EHD1: variants seen among roughly 807,000 people sequenced by gnomAD.
EHD1 encodes EH domain containing 1, also known as EH domain-containing protein 1.
Under a neutral mutation model 39.0 loss-of-function variants are expected in EHD1, and 19 were observed. That is an observed-to-expected ratio of 0.49 (90% CI 0.34 to 0.72). The LOEUF is 0.72. Among genes scored for constraint, EHD1 ranks in the 30% least tolerant of loss-of-function variants. The pLI is 0.01. For missense variants in EHD1, 542 were observed against 751.5 expected, an observed-to-expected ratio of 0.72 and a Z score of 3.26; for synonymous variants, 323 against 331.2, an observed-to-expected ratio of 0.98 and a Z score of 0.27.
In EHD1 at chr11:64,878,258, C is replaced by T; in HGVS notation, c.207G>A (p.Thr69=). Residue 69 remains threonine, a synonymous_variant, in exon 1 of 5, where the codon ACG becomes ACA. Coordinates refer to ENST00000320631, the MANE Select transcript of EHD1 (RefSeq NM_006795.4). ...GGTGTCGGATGAAGGTGGTCTTGCC[C>T]GTGCTGTACTGCCCCACGAGGAGCA... is the stretch of plus-strand genomic sequence containing the variant. ...PMVLLVGQYS[T]GKTTFIRHLI... 6.2e-7 allele frequency: 1 copy of T among 1,614,148 alleles called. No individual in the cohort carries two copies. The highest frequency in any genetic ancestry group is 8.5e-7 in the Non-Finnish European group (1 of 1,180,016).
At position 64,854,280 on chromosome 11, in the gene EHD1, C is replaced by T. The variant is rs934794441; in HGVS notation, c.*53G>A. ...GAAATGGTGAGGCTTCCCCTCCCCC[C>T]GTCTCTGCCTCCCGGCCGGGCGTGC... On this transcript the variant is annotated 3_prime_UTR_variant, in exon 5 of 5. Coordinates refer to ENST00000320631, the MANE Select transcript of EHD1 (RefSeq NM_006795.4). 28 of 1,536,548 alleles carry T rather than the reference C, an allele frequency of 1.8e-5. No individual in the cohort carries two copies. Among genetic ancestry groups the T allele is most frequent in the Middle Eastern group, 1.7e-4 (1 of 5,746 alleles).
upstream of EHD1, chr11:64,879,109 C>T (rs184818699): frequency 2.2e-3 from 2,238 of 1,001,352 alleles, 2 homozygotes; most frequent in Non-Finnish European, 2.6e-3. Context: ...CTCCTCCTCT[C>T]AGCCCAGCTT....
intron 1 of EHD1, chr11:64,875,736 C>G (rs960159612): frequency 6.6e-6 from 1 of 152,256 alleles, no homozygotes; most frequent in African/African-American, 2.4e-5. Context: ...GGGCAGCTGG[C>G]CAGGGCAAGG....
At chr11:64,858,530 G>A (rs77858389) in intron 3 of EHD1, among the ~76,000 whole-genome samples, 1 of 152,324 alleles carries the variant, frequency 6.6e-6, no homozygotes, top group East Asian at 1.9e-4. Context: ...CTAAGAGCCT[G>A]AAAGAATAGC....
chr11:64,867,389 G>A (rs771233511), intron 2 of EHD1, among the ~76,000 whole-genome samples: 17 of 150,914 alleles, frequency 1.1e-4, no homozygotes, highest in Non-Finnish European at 2.4e-4. Flanking sequence ...ACTGCATTTC[G>A]GCCTGGGCAA....
Position 64,854,189 on chromosome 11 carries a change from A to G in EHD1, c.*144T>C. 1 of 1,375,234 alleles carries G rather than the reference A, an allele frequency of 7.3e-7. No individual in the cohort carries two copies. Among genetic ancestry groups the G allele is most frequent in the East Asian group, 2.5e-5 (1 of 39,710 alleles). The allele number at this position is 1,375,234 out of a possible 1,614,324, so 85.2% of individuals were successfully genotyped here. On this transcript the variant is annotated 3_prime_UTR_variant, in exon 5 of 5. Coordinates refer to ENST00000320631, the MANE Select transcript of EHD1 (RefSeq NM_006795.4). ...CCGCCAGGCCCAGGAACAGCCTTAA[A>G]AGAAAGATGGTGGTTTTCCTTTTCG...
At chr11:64,874,642 G>A in intron 1 of EHD1, 124 bp from the exon 2 acceptor site, 1 of 747,408 alleles carries the variant, frequency 1.3e-6, no homozygotes, top group Non-Finnish European at 2.0e-6. Flanking sequence ...GCGGGGAACT[G>A]ACAGGTGGTT....
chr11:64,878,911 A>T (rs936614327), upstream of EHD1: 1 of 1,029,072 alleles, frequency 9.7e-7, no homozygotes, highest in Admixed American at 5.4e-5. Context: ...CGTTCGGCGG[A>T]GACGGCCTCT....
rs548396085 is a variant in EHD1 at position 64,852,194 on chromosome 11, A to G, written c.*2139T>C. ...CAGTCACCCTTCCCTCTGCTGGTATAAACAGTCCCCCATCTGTGACATCAC... is the reference window on the plus strand; with the variant it reads ...CAGTCACCCTTCCCTCTGCTGGTATGAACAGTCCCCCATCTGTGACATCAC... On this transcript the variant is annotated 3_prime_UTR_variant, in exon 5 of 5. Transcript: ENST00000320631. 5.3e-5 allele frequency: 8 copies of G among 152,244 alleles called. No individual in the cohort carries two copies. The highest frequency in any genetic ancestry group is 1.3e-4 in the Admixed American group (2 of 15,280). The allele number at this position is 152,244 out of a possible 1,614,324, so 9.4% of individuals were successfully genotyped here.
intron 3 of EHD1, among the ~76,000 whole-genome samples, chr11:64,858,789 C>T (rs891768340): frequency 5.9e-5 from 9 of 152,246 alleles, no homozygotes; most frequent in East Asian, 3.8e-4. Flanking sequence ...CCACCCACAC[C>T]GGCTCTCACT....
rs781223385 is a variant in EHD1 at position 64,878,343 on chromosome 11, C to T, written c.122G>A (p.Arg41His). 54 of 1,613,968 alleles carry T rather than the reference C, an allele frequency of 3.3e-5. No homozygotes were observed. Among genetic ancestry groups the T allele is most frequent in the Non-Finnish European group, 4.5e-5 (53 of 1,180,040 alleles). ...QKLLPLEEHY[R>H]FHEFHSPALE... ...CGCGGGCGAGTGGAACTCGTGGAAG[C>T]GGTAGTGCTCCTCCAGGGGTAGCAG... The change falls in exon 1 of 5, where the codon CGC (arginine) becomes CAC (histidine). Residue 41 changes from arginine (R) to histidine (H), a missense_variant. Arg to His is a conservative substitution (Grantham distance 29). Transcript: ENST00000320631.
intron 2 of EHD1, among the ~76,000 whole-genome samples, chr11:64,871,777 G>A (rs1159188859): frequency 2.0e-5 from 3 of 152,148 alleles, no homozygotes; most frequent in African/African-American, 7.2e-5. Context: ...TGCACCTGGA[G>A]GGGAGAGGGA....
intron 1 of EHD1, among the ~76,000 whole-genome samples, chr11:64,875,066 C>T (rs1208504139): frequency 2.0e-5 from 3 of 152,186 alleles, no homozygotes; most frequent in South Asian, 2.1e-4. Context: ...GAAGCACAGA[C>T]GCGCCATTCT....
chr11:64,861,807 A>G (rs2136483603), intron 2 of EHD1, among the ~76,000 whole-genome samples: 1 of 152,334 alleles, frequency 6.6e-6, no homozygotes, highest in South Asian at 2.1e-4. Flanking sequence ...AGGAAGTGCT[A>G]CGAACCACTT....
intron 2 of EHD1, among the ~76,000 whole-genome samples, chr11:64,874,181 G>A (rs539055739): frequency 6.6e-5 from 10 of 151,146 alleles, no homozygotes; most frequent in African/African-American, 9.7e-5. Flanking sequence ...GCACATGCCC[G>A]TAGTCCCAGC....
intron 2 of EHD1, among the ~76,000 whole-genome samples, chr11:64,869,191 G>C (rs1001106578): frequency 6.6e-6 from 1 of 152,254 alleles, no homozygotes; most frequent in Non-Finnish European, 1.5e-5. Context: ...CCAGCCCACC[G>C]CCAGTGCGCA....
chr11:64,874,740 A>C (rs1416142952), intron 1 of EHD1, among the ~76,000 whole-genome samples: 1 of 152,190 alleles, frequency 6.6e-6, no homozygotes, highest in Non-Finnish European at 1.5e-5. Context: ...AACTGACCCA[A>C]ATCAGCACTT....
chr11:64,877,886 C>A, intron 1 of EHD1, 175 bp downstream of exon 1: 1 of 565,184 alleles, frequency 1.8e-6, no homozygotes, highest in Non-Finnish European at 2.8e-6. Context: ...CTTAGACCCC[C>A]AGTGGGTTTA....
At chr11:64,878,788 A>T, upstream of EHD1, 2 of 1,220,070 alleles carry the variant, frequency 1.6e-6, no homozygotes, top group Non-Finnish European at 1.0e-6. Flanking sequence ...CCATTGGCTG[A>T]TTCCAAATCT....
Sources: allele counts gnomAD v4.1 joint callset (sites outside exome capture counted in the v4.1 genomes callset), GRCh38; gene constraint gnomAD v4.1.1; transcripts MANE v1.5; gene names NCBI Gene and HGNC (gene_info 2026-07-23, HGNC 2026-07-21).